The following IL1RAP variants were observed in gnomAD, a reference collection of about 807,000 sequenced individuals.
The protein encoded by IL1RAP is interleukin-1 receptor accessory protein.
A neutral mutation model predicts 60.7 loss-of-function variants in IL1RAP; 35 were observed. The observed-to-expected ratio is 0.58, with a 90% confidence interval of 0.44 to 0.76. The LOEUF (loss-of-function observed/expected upper bound fraction) is 0.76, where lower values mean the gene tolerates loss of function less well. IL1RAP is among the 30% of genes least tolerant of loss of function. The pLI, the probability that IL1RAP is intolerant of heterozygous loss-of-function variation, is 0.00. For missense variants in IL1RAP, 572 were observed against 693.9 expected, an observed-to-expected ratio of 0.82 and a Z score of 1.97; for synonymous variants, 268 against 250.9, an observed-to-expected ratio of 1.07 and a Z score of -0.64.
exon 12 of IL1RAP, chr3:190,657,815 G>A (rs769963394): frequency 6.6e-6 from 1 of 152,168 alleles, no homozygotes; most frequent in Non-Finnish European, 1.5e-5. Flanking sequence ...CCAGCACTTT[G>A]GGAAGTCAAG....
chr3:190,585,851 A>G (rs144778970), intron 3 of IL1RAP, among the ~76,000 whole-genome samples: 63 of 152,222 alleles, frequency 4.1e-4, no homozygotes, highest in African/African-American at 1.1e-3. Flanking sequence ...CACTTTATTC[A>G]TTAAGTACCA....
At chr3:190,586,388 A>C (rs1284495554) in intron 3 of IL1RAP, among the ~76,000 whole-genome samples, 1 of 152,120 alleles carries the variant, frequency 6.6e-6, no homozygotes, top group Admixed American at 6.5e-5. Context: ...CATAAGCCAC[A>C]GTTCACCTTG....
At chr3:190,590,867 A>C (rs1728882036) in intron 3 of IL1RAP, among the ~76,000 whole-genome samples, 1 of 152,138 alleles carries the variant, frequency 6.6e-6, no homozygotes, top group Admixed American at 6.5e-5. Flanking sequence ...ATTTATTTGG[A>C]ATATATATTT....
chr3:190,557,428 T>G (rs537181855), intron 2 of IL1RAP, among the ~76,000 whole-genome samples: 12 of 152,322 alleles, frequency 7.9e-5, no homozygotes, highest in African/African-American at 2.9e-4. Context: ...ATTATGTATA[T>G]ATGTCCTCTC....
intron 1 of IL1RAP, among the ~76,000 whole-genome samples, chr3:190,526,665 G>A (rs560210163): frequency 6.6e-6 from 1 of 152,196 alleles, no homozygotes; most frequent in Non-Finnish European, 1.5e-5. Context: ...TACATGAAGT[G>A]TGCATGTAAA....
intron 3 of IL1RAP, 27 bp from the exon 4 acceptor site, chr3:190,604,101 C>G (rs201946528): frequency 3.1e-6 from 5 of 1,603,360 alleles, no homozygotes; most frequent in Non-Finnish European, 4.3e-6. Context: ...CTCATCTGCC[C>G]CTTTCTTTCT....
intron 5 of IL1RAP, among the ~76,000 whole-genome samples, chr3:190,611,935 A>G (rs1730859759): frequency 6.6e-6 from 1 of 152,228 alleles, no homozygotes; most frequent in Admixed American, 6.5e-5. Context: ...TTCATTTGAA[A>G]AAAACTATAA....
chr3:190,543,988 G>C (rs761434675), intron 1 of IL1RAP, among the ~76,000 whole-genome samples: 1 of 152,152 alleles, frequency 6.6e-6, no homozygotes, highest in Non-Finnish European at 1.5e-5. Flanking sequence ...TTTGGATTTA[G>C]AGAAGGAGAT....
downstream of IL1RAP, among the ~76,000 whole-genome samples, chr3:190,651,995 G>A (rs778913067): frequency 2.0e-5 from 3 of 152,120 alleles, no homozygotes; most frequent in Non-Finnish European, 2.9e-5. Context: ...CACGGTAGTT[G>A]CTTTGGAAAT....
chr3:190,645,520 A>G (rs1301464313), intron 10 of IL1RAP, among the ~76,000 whole-genome samples, 179 bp from the exon 11 acceptor site: 3 of 152,236 alleles, frequency 2.0e-5, no homozygotes, highest in Admixed American at 2.0e-4. Context: ...ATATCAGATA[A>G]CATTCAAAAT....
rs565186201 is a variant in IL1RAP, at chr3:190,554,364, AG to A, written c.-88-1764del. The stretch of plus-strand genomic sequence containing the variant: ...GAAACCCTGGTTACTACCCAGGAAC[AG>A]GAGAGGCAGGCTCCTCCCCCCTGCA... On this transcript the variant is annotated intron_variant, in intron 1 of 11. Coordinates refer to ENST00000447382, the MANE Select transcript of IL1RAP (RefSeq NM_002182.4). 7.9e-5 allele frequency among the ~76,000 whole-genome samples: 12 copies of A among 152,320 alleles called. No individual in the cohort carries two copies. The South Asian group carries it at 2.5e-3, about 32-fold the overall frequency.
At chr3:190,629,794 G>A in intron 9 of IL1RAP, 2 of 1,071,682 alleles carry the variant, frequency 1.9e-6, no homozygotes, top group Non-Finnish European at 2.3e-6. Context: ...TAAAAACAAA[G>A]AAAATATTCA....
At chr3:190,604,052 GAGA>G in intron 3 of IL1RAP, 73 bp from the exon 4 acceptor site, 1 of 1,414,502 alleles carries the variant, frequency 7.1e-7, no homozygotes, top group East Asian at 2.3e-5. Context: ...GTGAACTGAG[GAGA>G]AGGTGTGTTC....
At chr3:190,583,387 T>C (rs1258582200) in intron 3 of IL1RAP, among the ~76,000 whole-genome samples, 1 of 152,258 alleles carries the variant, frequency 6.6e-6, no homozygotes, top group Non-Finnish European at 1.5e-5. Context: ...TAACAAGGTA[T>C]ATATGCCAGA....
At chr3:190,635,236 G>A (rs1361275872) in intron 9 of IL1RAP, among the ~76,000 whole-genome samples, 1 of 151,974 alleles carries the variant, frequency 6.6e-6, no homozygotes, top group Admixed American at 6.6e-5. Context: ...CCTGATATTA[G>A]TAATTGGTGT....
chr3:190,616,862 A>G (rs1229175156), intron 5 of IL1RAP, among the ~76,000 whole-genome samples: 2 of 152,226 alleles, frequency 1.3e-5, no homozygotes, highest in Non-Finnish European at 2.9e-5. Context: ...GTATTGAGCA[A>G]GTTTCCGACC....
intron 1 of IL1RAP, among the ~76,000 whole-genome samples, chr3:190,518,196 T>G (rs968305763): frequency 9.2e-5 from 14 of 152,044 alleles, no homozygotes; most frequent in Non-Finnish European, 1.0e-4. Context: ...GTGTGGATTT[T>G]GAGAGTCTGG....
chr3:190,539,372 G>C (rs555310841), intron 1 of IL1RAP, among the ~76,000 whole-genome samples: 1 of 152,150 alleles, frequency 6.6e-6, no homozygotes, highest in Non-Finnish European at 1.5e-5. Flanking sequence ...TGCAAAATTT[G>C]ACAAGGAAAA....
At chr3:190,523,690 A>C (rs187083297) in intron 1 of IL1RAP, among the ~76,000 whole-genome samples, 4 of 152,266 alleles carry the variant, frequency 2.6e-5, no homozygotes, top group Admixed American at 2.6e-4. Flanking sequence ...TCGGTAAAGG[A>C]CATAATCTCA....
Sources: gnomAD v4.1 joint callset for allele counts (sites outside exome capture counted in the v4.1 genomes callset) on GRCh38, gnomAD v4.1.1 for gene constraint, MANE v1.5 for transcripts, NCBI Gene and HGNC (gene_info 2026-07-23, HGNC 2026-07-21) for gene names.